Variants in BTBD9 observed in about 807,000 individuals in gnomAD.
The protein encoded by BTBD9 is BTB/POZ domain-containing protein 9.
Under a neutral mutation model 64.3 loss-of-function variants are expected in BTBD9, and 49 were observed. The observed-to-expected ratio is 0.76, with a 90% CI of 0.61 to 0.97. The LOEUF is 0.97. Ranked by LOEUF, BTBD9 falls within the 50% of genes least tolerant of loss-of-function variation. BTBD9 has a pLI of 0.00. For synonymous variants in BTBD9, 260 were observed against 274.7 expected (o/e 0.95, Z 0.53); for missense variants, 598 against 762.1 (o/e 0.78, Z 2.53).
chr6:38,228,806 G>A (rs555802264), intron 9 of BTBD9, among the ~76,000 whole-genome samples: 40 of 152,116 alleles, frequency 2.6e-4, no homozygotes, highest in Non-Finnish European at 5.1e-4. Context: ...CCCAGGAGGT[G>A]GAGGTTGTAG....
chr6:38,253,159 T>C (rs1392748040), intron 9 of BTBD9, among the ~76,000 whole-genome samples: 1 of 152,116 alleles, frequency 6.6e-6, no homozygotes, highest in East Asian at 1.9e-4. Flanking sequence ...CCACATTGTA[T>C]AGCACCTTTG....
chr6:38,614,209 C>T (rs115209815), intron 1 of BTBD9, among the ~76,000 whole-genome samples: 65 of 152,278 alleles, frequency 4.3e-4, no homozygotes, highest in African/African-American at 1.5e-3. Context: ...TCAGCAGAAG[C>T]CTTCACTGAC....
chr6:38,369,201 A>G lies in BTBD9; in HGVS notation c.1155-24108T>C, dbSNP rs1170710479. Among the ~76,000 whole-genome samples the G allele has an allele frequency of 2.0e-5, 3 of 152,076 alleles. No homozygotes were observed. In the East Asian group the frequency reaches 5.8e-4, roughly 29 times the overall value. ...TGTCATCTCCCACCTGAAACACTCA[A>G]ATGATACCTCTGCCTCTACTCTTGC... On this transcript the variant is annotated intron_variant, in intron 6 of 10. Coordinates refer to ENST00000481247, the MANE Select transcript of BTBD9 (RefSeq NM_001099272.2).
chr6:38,219,060 G>A (rs1763103748), intron 9 of BTBD9, among the ~76,000 whole-genome samples: 1 of 150,918 alleles, frequency 6.6e-6, no homozygotes, highest in Non-Finnish European at 1.5e-5. Flanking sequence ...GTGCTGCCCA[G>A]TCTATTTCTT....
chr6:38,488,894 C>CTTTT, intron 6 of BTBD9, among the ~76,000 whole-genome samples: 1 of 132,802 alleles, frequency 7.5e-6, no homozygotes. Context: ...TTCCTTGCAA[C>CTTTT]TTTTTTTTTT....
At chr6:38,368,185 T>C (rs558261172) in intron 6 of BTBD9, among the ~76,000 whole-genome samples, 3 of 152,230 alleles carry the variant, frequency 2.0e-5, no homozygotes, top group Non-Finnish European at 4.4e-5. Flanking sequence ...ATACCACAGA[T>C]ATACTGTATA....
At chr6:38,337,334 T>C (rs552300363) in intron 7 of BTBD9, among the ~76,000 whole-genome samples, 1 of 152,248 alleles carries the variant, frequency 6.6e-6, no homozygotes, top group Non-Finnish European at 1.5e-5. Flanking sequence ...CCAAAAATTT[T>C]ACAGCATTCT....
chr6:38,587,445 G>T, intron 4 of BTBD9: 1 of 548,324 alleles, frequency 1.8e-6, no homozygotes, highest in South Asian at 1.5e-5. Flanking sequence ...TAGTGCTAAT[G>T]ATGCAACGAG....
At position 38,639,870 on chromosome 6, in the gene BTBD9, CGCCACCGCCCCCTTGGCCGCTTCCGTG is replaced by C. The variant is rs1294834295; in HGVS notation, c.-125_-99del. On this transcript the variant is annotated 5_prime_UTR_variant, in exon 1 of 11. Coordinates refer to ENST00000481247, the MANE Select transcript of BTBD9 (RefSeq NM_001099272.2). Reference sequence around the variant, plus strand: ...TCCGCCCGCTCCGCACCCCTCTCTGCGCCACCGCCCCCTTGGCCGCTTCCGTGGCCGCCGTCCTCGCCGCCGCCCCGG... The same window carrying C: ...TCCGCCCGCTCCGCACCCCTCTCTGCGCCGCCGTCCTCGCCGCCGCCCCGG... 9 of 152,428 alleles carry C rather than the reference CGCCACCGCCCCCTTGGCCGCTTCCGTG, an allele frequency of 5.9e-5. No homozygotes were observed. The highest frequency in any genetic ancestry group is 1.2e-4 in the Non-Finnish European group (8 of 68,316). 9.4% of individuals were successfully genotyped at this position (152,428 alleles called of 1,614,324 possible). A position where few individuals can be genotyped will look rare whatever the true frequency, so the allele number is the denominator to read the frequency against.
At chr6:38,474,519 T>C (rs1770793762) in intron 6 of BTBD9, among the ~76,000 whole-genome samples, 1 of 151,702 alleles carries the variant, frequency 6.6e-6, no homozygotes, top group Non-Finnish European at 1.5e-5. Context: ...TGAGACTCTG[T>C]CTCAAGAAAG....
intron 6 of BTBD9, among the ~76,000 whole-genome samples, chr6:38,351,920 A>G (rs1764532508): frequency 6.6e-6 from 1 of 152,226 alleles, no homozygotes; most frequent in Non-Finnish European, 1.5e-5. Flanking sequence ...ATGAAATTAT[A>G]TTTTGAATTA....
chr6:38,262,177 A>C (rs1461675738), intron 8 of BTBD9, among the ~76,000 whole-genome samples: 1 of 152,206 alleles, frequency 6.6e-6, no homozygotes, highest in Non-Finnish European at 1.5e-5. Flanking sequence ...GAATGTTTGC[A>C]TGGTGAGCTC....
At chr6:38,420,377 A>G (rs1767849479) in intron 6 of BTBD9, among the ~76,000 whole-genome samples, 1 of 152,162 alleles carries the variant, frequency 6.6e-6, no homozygotes, top group Non-Finnish European at 1.5e-5. Context: ...TTCAGCACAC[A>G]TGGGGTAATA....
chr6:38,416,102 T>A (rs943282636), intron 6 of BTBD9, among the ~76,000 whole-genome samples: 1 of 152,140 alleles, frequency 6.6e-6, no homozygotes, highest in Non-Finnish European at 1.5e-5. Context: ...AAGTACTCTA[T>A]GAGACTGGAG....
rs1291715173 is a variant in BTBD9, at chr6:38,171,880, AAATAATAATAATAAT to A, written c.*3090_*3104del. On this transcript the variant is annotated 3_prime_UTR_variant, in exon 11 of 11. Transcript: ENST00000481247. Reference sequence around the variant, plus strand: ...AAAAAAAAAAAAAAAAAAAAAAAAAAAATAATAATAATAATAATAATAATAATAATGAAAAGTGAA... The same window carrying A: ...AAAAAAAAAAAAAAAAAAAAAAAAAAAATAATAATAATAATGAAAAGTGAA... The A allele has an allele frequency of 1.1e-5, 1 of 89,560 alleles. No individual in the cohort carries two copies. The highest frequency in any genetic ancestry group is 4.4e-4 in the South Asian group (1 of 2,260). 5.5% of individuals were successfully genotyped at this position (89,560 alleles called of 1,614,324 possible).
At chr6:38,373,333 T>C (rs1235747795) in intron 6 of BTBD9, among the ~76,000 whole-genome samples, 2 of 152,210 alleles carry the variant, frequency 1.3e-5, no homozygotes, top group Non-Finnish European at 2.9e-5. Flanking sequence ...CGATCTATTT[T>C]TCTCTATTGA....
intron 1 of BTBD9, among the ~76,000 whole-genome samples, chr6:38,635,713 T>C (rs993949057): frequency 2.0e-5 from 3 of 152,206 alleles, no homozygotes; most frequent in Non-Finnish European, 4.4e-5. Flanking sequence ...CACCAGATAC[T>C]GGCACATTGA....
Position 38,577,589 on chromosome 6 carries a change from T to C in BTBD9, c.1154+11A>G, listed in dbSNP as rs377496544. ...AGAATAAAAATCATTTATTAACCACTGAAAACTAACCTGCAGACACGGGCT... is the reference window on the plus strand; with the variant it reads ...AGAATAAAAATCATTTATTAACCACCGAAAACTAACCTGCAGACACGGGCT... On this transcript the variant is annotated intron_variant, in intron 6 of 10. Coordinates refer to ENST00000481247, the MANE Select transcript of BTBD9 (RefSeq NM_001099272.2). The C allele has an allele frequency of 8.8e-6, 14 of 1,594,466 alleles. No individual in the cohort carries two copies. The highest frequency in any genetic ancestry group is 1.2e-5 in the Non-Finnish European group (14 of 1,176,386).
At chr6:38,596,139 T>C in intron 2 of BTBD9, 1 of 809,508 alleles carries the variant, frequency 1.2e-6, no homozygotes, top group Non-Finnish European at 1.5e-6. Context: ...CCTTTGCACA[T>C]GAATACAGTC....
Sources: allele counts gnomAD v4.1 joint callset (sites outside exome capture counted in the v4.1 genomes callset), GRCh38; gene constraint gnomAD v4.1.1; transcripts MANE v1.5; gene names NCBI Gene and HGNC (gene_info 2026-07-23, HGNC 2026-07-21).